ALOX5: variants seen among roughly 807,000 people sequenced by gnomAD.
The protein encoded by ALOX5 is arachidonate 5-lipoxygenase.
A neutral mutation model predicts 87.9 loss-of-function variants in ALOX5; 64 were observed. That is an observed-to-expected ratio of 0.73 (90% CI 0.60 to 0.90). The LOEUF is 0.90. Among genes scored for constraint, ALOX5 ranks in the 40% least tolerant of loss-of-function variants. The probability of loss-of-function intolerance (pLI) is 0.00; values close to 1 mark genes in which losing one functional copy is unlikely to be tolerated. For synonymous variants in ALOX5, 388 were observed against 355.1 expected (o/e 1.09, Z -1.04); for missense variants, 822 against 907.5 (o/e 0.91, Z 1.21).
At chr10:45,410,801 T>C (rs953914848) in intron 3 of ALOX5, among the ~76,000 whole-genome samples, 5 of 152,248 alleles carry the variant, frequency 3.3e-5, no homozygotes, top group South Asian at 2.1e-4. Context: ...ATTTTGTTTT[T>C]GTTACCAGAA....
At chr10:45,437,036 A>G (rs1354945845) in intron 7 of ALOX5, among the ~76,000 whole-genome samples, 1 of 152,176 alleles carries the variant, frequency 6.6e-6, no homozygotes, top group Non-Finnish European at 1.5e-5. Context: ...CTGAACCTGA[A>G]CATTGTTGGT....
At chr10:45,427,581 A>T (rs1040548566) in intron 6 of ALOX5, among the ~76,000 whole-genome samples, 1 of 152,168 alleles carries the variant, frequency 6.6e-6, no homozygotes, top group Admixed American at 6.5e-5. Context: ...CGGTCGGTGG[A>T]GCTGCAGGGG....
At chr10:45,389,750 T>C (rs1423403356) in intron 2 of ALOX5, among the ~76,000 whole-genome samples, 1 of 152,176 alleles carries the variant, frequency 6.6e-6, no homozygotes, top group Non-Finnish European at 1.5e-5. Flanking sequence ...TGCCACATTG[T>C]AAAGACCATC....
At chr10:45,406,744 G>A (rs1272141643) in intron 3 of ALOX5, among the ~76,000 whole-genome samples, 1 of 152,156 alleles carries the variant, frequency 6.6e-6, no homozygotes, top group Non-Finnish European at 1.5e-5. Flanking sequence ...CTAATCACTT[G>A]TTTTTGTTTG....
chr10:45,383,341 G>A (rs1839906573), intron 2 of ALOX5, among the ~76,000 whole-genome samples: 1 of 152,282 alleles, frequency 6.6e-6, no homozygotes, highest in Non-Finnish European at 1.5e-5. Context: ...CTGGTACAGA[G>A]CATCAGAGAC....
intron 3 of ALOX5, among the ~76,000 whole-genome samples, chr10:45,398,292 A>G (rs1414464646): frequency 2.0e-5 from 3 of 152,250 alleles, no homozygotes; most frequent in Non-Finnish European, 1.5e-5. Flanking sequence ...GGATAGCCAC[A>G]TGCAAAAGAA....
chr10:45,431,064 C>G (rs1175827150), intron 7 of ALOX5, among the ~76,000 whole-genome samples: 2 of 152,164 alleles, frequency 1.3e-5, no homozygotes, highest in Non-Finnish European at 2.9e-5. Context: ...ATTTCAATAT[C>G]AAGAGAGCTA....
chr10:45,393,149 A>C (rs558181752), intron 2 of ALOX5, among the ~76,000 whole-genome samples: 11 of 151,824 alleles, frequency 7.2e-5, no homozygotes, highest in Non-Finnish European at 1.3e-4. Context: ...ATACACACAC[A>C]AAAAAAACAA....
Position 45,374,285 on chromosome 10 carries a change from C to A in ALOX5, c.6C>A (p.Pro2=). 6.6e-7 allele frequency: 1 copy of A among 1,510,294 alleles called. No homozygotes were observed. 93.6% of individuals were successfully genotyped at this position (1,510,294 alleles called of 1,614,324 possible). The part of the protein sequence containing the change: M[P]SYTVTVATGS... ...CTGCTCCCGCGGCCCGCGCCATGCCCTCCTACACGGTCACCGTGGCCACTG... is the reference window on the plus strand; with the variant it reads ...CTGCTCCCGCGGCCCGCGCCATGCCATCCTACACGGTCACCGTGGCCACTG... Residue 2 remains proline (P), a synonymous_variant, in exon 1 of 14, where the codon CCC becomes CCA. Transcript: ENST00000374391.
chr10:45,412,709 A>G (rs968640027), intron 4 of ALOX5, among the ~76,000 whole-genome samples: 1 of 152,182 alleles, frequency 6.6e-6, no homozygotes, highest in African/African-American at 2.4e-5. Context: ...TGATCCCAGG[A>G]CATATGTCCC....
chr10:45,384,347 C>T (rs1839943633), intron 2 of ALOX5, among the ~76,000 whole-genome samples: 1 of 152,186 alleles, frequency 6.6e-6, no homozygotes, highest in Admixed American at 6.5e-5. Flanking sequence ...AGAAGCTGTC[C>T]AGCAAGTTCC....
At position 45,443,370 on chromosome 10, in the gene ALOX5, G is replaced by C. The variant is rs375366789; in HGVS notation, c.1452-46G>C. 6.3e-6 allele frequency: 10 copies of C among 1,595,772 alleles called. No individual in the cohort carries two copies. The South Asian group carries it at 1.1e-4, about 18-fold the overall frequency. On this transcript the variant is annotated intron_variant, in intron 10 of 13. Transcript: ENST00000374391. ...GGGGGTTGCCGCCGGGCACCGCTCC[G>C]CAGACCTGGCTGGGTCGCCCACCCC...
At chr10:45,391,770 G>A (rs1003232742) in intron 2 of ALOX5, among the ~76,000 whole-genome samples, 17 of 151,554 alleles carry the variant, frequency 1.1e-4, no homozygotes, top group African/African-American at 2.9e-4. Context: ...GGTGAGGAGC[G>A]CCTCTGCCCG....
At chr10:45,414,908 T>C (rs1489995390) in intron 4 of ALOX5, among the ~76,000 whole-genome samples, 2 of 152,228 alleles carry the variant, frequency 1.3e-5, no homozygotes, top group Non-Finnish European at 2.9e-5. Flanking sequence ...CCAGTTAGAA[T>C]GGCAATCATT....
chr10:45,395,984 T>C (rs1589000234), intron 3 of ALOX5, 48 bp downstream of exon 3: 1 of 1,567,462 alleles, frequency 6.4e-7, no homozygotes, highest in Non-Finnish European at 8.8e-7. Flanking sequence ...TGGTTTCTTC[T>C]ATCTCAAGAG....
chr10:45,392,720 AAAAAAGAAGAG>A lies in ALOX5; in HGVS notation c.350-3132_350-3122del, dbSNP rs1241773075. On this transcript the variant is annotated intron_variant, in intron 2 of 13. Transcript: ENST00000374391. ...AATGATCAATTAAAAAAAAAGAAAA[AAAAAAGAAGAG>A]AAGAATCAATTAGACGCAATAAAAA... Among the ~76,000 whole-genome samples the A allele has an allele frequency of 5.3e-4, 80 of 151,856 alleles. 1 individual carries two copies. In the East Asian group the frequency reaches 0.015, roughly 29 times the overall value.
At chr10:45,443,899 T>A in intron 12 of ALOX5, 71 bp downstream of exon 12, 1 of 1,510,148 alleles carries the variant, frequency 6.6e-7, no homozygotes, top group Non-Finnish European at 9.0e-7. Flanking sequence ...GCCCCGGTTC[T>A]GCACGCGTAC....
intron 2 of ALOX5, among the ~76,000 whole-genome samples, chr10:45,392,456 A>C (rs1224145048): frequency 1.3e-5 from 2 of 151,360 alleles, no homozygotes; most frequent in African/African-American, 2.4e-5. Flanking sequence ...CTCAGGGTTA[A>C]ATGGATTAAG....
At chr10:45,404,115 A>T (rs1840794113) in intron 3 of ALOX5, among the ~76,000 whole-genome samples, 1 of 152,236 alleles carries the variant, frequency 6.6e-6, no homozygotes, top group South Asian at 2.1e-4. Context: ...ATAATCTTGC[A>T]GCAGGGGGCT....
Sources: gnomAD v4.1 joint callset for allele counts (sites outside exome capture counted in the v4.1 genomes callset) on GRCh38, gnomAD v4.1.1 for gene constraint, MANE v1.5 for transcripts, NCBI Gene and HGNC (gene_info 2026-07-23, HGNC 2026-07-21) for gene names.